VPS13A: variants seen among roughly 807,000 people sequenced by gnomAD.
VPS13A encodes intermembrane lipid transfer protein VPS13A.
In VPS13A, 264 loss-of-function variants were observed where a neutral mutation model predicts 390.9. The ratio of observed to expected loss-of-function variants is 0.68; its 90% CI spans 0.61 to 0.75. The LOEUF is 0.75. Ranked by LOEUF, VPS13A falls within the 30% of genes least tolerant of loss-of-function variation. The pLI, the probability that VPS13A is intolerant of heterozygous loss-of-function variation, is 0.00. For synonymous variants in VPS13A, 1,231 were observed against 1,227.1 expected (o/e 1.00, Z -0.07); for missense variants, 3,409 against 3,733.9 (o/e 0.91, Z 2.27).
chr9:77,390,184 A>G, intron 68 of VPS13A: 1 of 890,110 alleles, frequency 1.1e-6, no homozygotes, highest in Non-Finnish European at 1.3e-6. Context: ...ATTGGACTTC[A>G]CTCTTCATTT....
intron 19 of VPS13A, among the ~76,000 whole-genome samples, chr9:77,240,483 T>TG (rs1383049597): frequency 6.7e-6 from 1 of 148,452 alleles, no homozygotes; most frequent in Non-Finnish European, 1.5e-5. Context: ...TTTTTGTTTT[T>TG]TTTTTTTTTT....
At chr9:77,369,863 A>T (rs1056010969) in intron 63 of VPS13A, among the ~76,000 whole-genome samples, 1 of 152,264 alleles carries the variant, frequency 6.6e-6, no homozygotes, top group African/African-American at 2.4e-5. Context: ...TAAAGTTAAC[A>T]TTAATTTTGC....
At chr9:77,181,385 G>A (rs896762116) in intron 1 of VPS13A, among the ~76,000 whole-genome samples, 5 of 151,634 alleles carry the variant, frequency 3.3e-5, no homozygotes, top group African/African-American at 7.3e-5. Context: ...GTACTGTGGC[G>A]CTCGCCTGTA....
At chr9:77,370,193 G>A (rs1006277907) in intron 63 of VPS13A, 64 bp from the exon 64 acceptor site, 6 of 1,569,174 alleles carry the variant, frequency 3.8e-6, no homozygotes, top group Admixed American at 3.4e-5. Flanking sequence ...GTATATATCC[G>A]TAAGCTCATC....
Position 77,400,223 on chromosome 9 carries a change from ATTTTTT to A in VPS13A, c.9190-2996_9190-2991del, listed in dbSNP as rs34605855. ...ATATTTTCTCATGTTTATCAGTCAG[ATTTTTT>A]TTTTTTTTTTTTTTTTGCTGAACTA... is the stretch of plus-strand genomic sequence containing the variant. On this transcript the variant is annotated intron_variant, in intron 68 of 71. Coordinates refer to ENST00000360280, the MANE Select transcript of VPS13A (RefSeq NM_033305.3). Among the ~76,000 whole-genome samples, 20 of 88,114 alleles carry A rather than the reference ATTTTTT, an allele frequency of 2.3e-4. 1 individual carries two copies. In the South Asian group the frequency reaches 4.3e-3, roughly 19 times the overall value. The allele number at this position is 88,114 out of a possible 152,430, so 57.8% of individuals were successfully genotyped here.
rs1423636170 is a variant in VPS13A at position 77,217,952 on chromosome 9, A to G, written c.755-2002A>G. 7.2e-5 allele frequency among the ~76,000 whole-genome samples: 11 copies of G among 151,894 alleles called. No individual in the cohort carries two copies. In the East Asian group the frequency reaches 2.1e-3, roughly 29 times the overall value. On this transcript the variant is annotated intron_variant, in intron 10 of 71. Coordinates refer to ENST00000360280, the MANE Select transcript of VPS13A (RefSeq NM_033305.3). The stretch of plus-strand genomic sequence containing the variant: ...CCACCAACAGTAATCCCTTTTCTCC[A>G]CATCCTCACCAACATGTGTCATTTT...
chr9:77,282,338 A>G, intron 29 of VPS13A, 64 bp downstream of exon 29: 1 of 1,437,414 alleles, frequency 7.0e-7, no homozygotes, highest in East Asian at 2.4e-5. Flanking sequence ...CAATAAATCT[A>G]GACCCTGACT....
intron 45 of VPS13A, among the ~76,000 whole-genome samples, chr9:77,324,614 C>G (rs982367424): frequency 1.3e-5 from 2 of 152,104 alleles, no homozygotes; most frequent in Non-Finnish European, 2.9e-5. Context: ...TCTTACTAAC[C>G]TTTTAGTATA....
At chr9:77,352,120 G>A (rs1831507357) in intron 53 of VPS13A, among the ~76,000 whole-genome samples, 1 of 152,216 alleles carries the variant, frequency 6.6e-6, no homozygotes, top group African/African-American at 2.4e-5. Context: ...TATGTTCTCT[G>A]CATTGACAAT....
At chr9:77,255,324 A>G (rs907102871) in intron 22 of VPS13A, among the ~76,000 whole-genome samples, 3 of 152,070 alleles carry the variant, frequency 2.0e-5, no homozygotes, top group South Asian at 2.1e-4. Flanking sequence ...ATTGCTCTCT[A>G]TATATTAAAT....
At chr9:77,401,327 A>G (rs972219198) in intron 68 of VPS13A, among the ~76,000 whole-genome samples, 2 of 108,652 alleles carry the variant, frequency 1.8e-5, no homozygotes, top group Admixed American at 2.0e-4. Flanking sequence ...GATCACATGA[A>G]GTTGTGTGTG....
chr9:77,403,158 G>A, intron 68 of VPS13A, 78 bp from the exon 69 acceptor site: 1 of 981,718 alleles, frequency 1.0e-6, no homozygotes. Context: ...ATGGTTTTTA[G>A]AGGACTATAA....
rs1829760477 is a variant in VPS13A at position 77,321,737 on chromosome 9, A to C, written c.5821A>C (p.Ile1941Leu). Residue 1941 changes from isoleucine to leucine, a missense_variant, in exon 44 of 72, where the codon ATT (isoleucine) becomes CTT (leucine). This residue lies in a region of VPS13A where 2,717 missense variants were observed against 2,917.4 expected (regional missense o/e 0.93). Coordinates refer to ENST00000360280, the MANE Select transcript of VPS13A (RefSeq NM_033305.3). ...CAGCCTAAGCAGCAAACTCTTCTTC[A>C]TTCTTCTTAGTAAGTAGTTGAAAAA... The part of the protein sequence containing the change: ...MTSLSSKLFF[I>L]LLTPVNHSTA... 3 of 1,613,114 alleles carry C rather than the reference A, an allele frequency of 1.9e-6. No individual in the cohort carries two copies. Among genetic ancestry groups the C allele is most frequent in the Admixed American group, 1.7e-5 (1 of 59,926 alleles).
chr9:77,184,981 G>A (rs1404431117), intron 1 of VPS13A, among the ~76,000 whole-genome samples: 1 of 151,894 alleles, frequency 6.6e-6, no homozygotes, highest in Non-Finnish European at 1.5e-5. Context: ...TGAGTTTTGT[G>A]AGTTATCCCA....
intron 1 of VPS13A, among the ~76,000 whole-genome samples, chr9:77,195,489 C>A (rs532809283): frequency 6.6e-6 from 1 of 152,142 alleles, no homozygotes; most frequent in Non-Finnish European, 1.5e-5. Context: ...GTAATCCCAG[C>A]GTTCTGGGAG....
At chr9:77,217,782 T>G (rs918112609) in intron 10 of VPS13A, among the ~76,000 whole-genome samples, 2 of 149,162 alleles carry the variant, frequency 1.3e-5, no homozygotes. Context: ...GCTTTTTTTT[T>G]CTTTTTTTTT....
intron 19 of VPS13A, 49 bp downstream of exon 19, chr9:77,238,435 A>C: frequency 7.5e-7 from 1 of 1,333,298 alleles, no homozygotes; most frequent in Non-Finnish European, 1.1e-6. Context: ...ATCCTATATT[A>C]AACTTTTATT....
intron 68 of VPS13A, among the ~76,000 whole-genome samples, chr9:77,385,900 T>C (rs934391153): frequency 6.6e-6 from 1 of 151,286 alleles, no homozygotes; most frequent in African/African-American, 2.4e-5. Context: ...TTTGAAAATA[T>C]TGAGATTACT....
At position 77,219,995 on chromosome 9, in the gene VPS13A, C is replaced by A; in HGVS notation, c.796C>A (p.Arg266Ser). 2 of 1,613,386 alleles carry A rather than the reference C, an allele frequency of 1.2e-6. No individual in the cohort carries two copies. Among genetic ancestry groups the A allele is most frequent in the Non-Finnish European group, 1.7e-6 (2 of 1,179,614 alleles). ...TGCTAATGCCAAACTTGTGATGAAT[C>A]GCCGATCTGATTTTGACTTTTCTGC... Reference protein sequence around the residue: ...ISANAKLVMNRRSDFDFSAPK... With the variant: ...ISANAKLVMNSRSDFDFSAPK... Residue 266 changes from arginine (R) to serine (S), a missense_variant, in exon 11 of 72, where the codon CGC becomes AGC. Transcript: ENST00000360280.
Sources: allele counts gnomAD v4.1 joint callset (sites outside exome capture counted in the v4.1 genomes callset), GRCh38; gene constraint gnomAD v4.1.1; regional missense constraint gnomAD v4.1.1; transcripts MANE v1.5; gene names NCBI Gene and HGNC (gene_info 2026-07-23, HGNC 2026-07-21).